The following ANO3 variants were observed in gnomAD, a reference collection of about 807,000 sequenced individuals.
ANO3 encodes anoctamin-3.
A neutral mutation model predicts 144.8 loss-of-function variants in ANO3; 99 were observed. The ratio of observed to expected loss-of-function variants is 0.68; its 90% CI spans 0.58 to 0.81. ANO3 has a LOEUF of 0.81. Among genes scored for constraint, ANO3 ranks in the 30% least tolerant of loss-of-function variants. The pLI is 0.00. For missense variants in ANO3, 905 were observed against 1,202.2 expected, an observed-to-expected ratio of 0.75 and a Z score of 3.66; for synonymous variants, 414 against 392.6, an observed-to-expected ratio of 1.05 and a Z score of -0.64.
At chr11:26,346,334 A>G (rs530630193) in intron 1 of ANO3, among the ~76,000 whole-genome samples, 2 of 152,230 alleles carry the variant, frequency 1.3e-5, no homozygotes, top group Non-Finnish European at 2.9e-5. Flanking sequence ...ATAGGGCCTT[A>G]TGAAATTTAG....
Position 26,639,158 on chromosome 11 carries a change from C to A in ANO3, c.2058C>A (p.Gly686=). Residue 686 remains glycine, a synonymous_variant, in exon 21 of 27, where the codon GGC becomes GGA. Coordinates refer to ENST00000256737, the MANE Select transcript of ANO3 (RefSeq NM_031418.4). ...TTCTATTTCAGTGTCATCCTAGTGG[C>A]TGTTTGATAGACCTCTGCCTCCAGA... The part of the protein sequence containing the change: ...RWRLEECHPS[G]CLIDLCLQMG... The A allele has an allele frequency of 6.2e-7, 1 of 1,611,666 alleles. No individual in the cohort carries two copies. Among genetic ancestry groups the A allele is most frequent in the South Asian group, 1.1e-5 (1 of 91,024 alleles).
intron 24 of ANO3, among the ~76,000 whole-genome samples, chr11:26,652,488 GA>G (rs1484190825): frequency 1.3e-5 from 2 of 151,954 alleles, no homozygotes; most frequent in Non-Finnish European, 2.9e-5. Flanking sequence ...CTCCCATACT[GA>G]AGGCAAAATT....
intron 1 of ANO3, among the ~76,000 whole-genome samples, chr11:26,438,914 C>T (rs1006558034): frequency 3.3e-5 from 5 of 152,036 alleles, no homozygotes; most frequent in African/African-American, 7.2e-5. Context: ...GTAAAGAACT[C>T]AGATTTTCTG....
At chr11:26,571,752 G>GT (rs1392921991) in intron 14 of ANO3, among the ~76,000 whole-genome samples, 2 of 152,040 alleles carry the variant, frequency 1.3e-5, no homozygotes, top group African/African-American at 4.8e-5. Flanking sequence ...TCATAGTCAC[G>GT]TATGTTTTAA....
At chr11:26,623,017 A>G (rs1389553067) in intron 17 of ANO3, among the ~76,000 whole-genome samples, 3 of 152,222 alleles carry the variant, frequency 2.0e-5, no homozygotes, top group Non-Finnish European at 4.4e-5. Flanking sequence ...ATAAGACATG[A>G]AAAAGAACCT....
chr11:26,426,518 C>T (rs1012998307), intron 1 of ANO3, among the ~76,000 whole-genome samples: 2 of 152,096 alleles, frequency 1.3e-5, no homozygotes, highest in African/African-American at 2.4e-5. Context: ...TATGAATGCT[C>T]ATAAGCAGTA....
At chr11:26,460,265 T>A (rs1348125595) in intron 3 of ANO3, 1 of 295,744 alleles carries the variant, frequency 3.4e-6, no homozygotes, top group African/African-American at 2.3e-5. Context: ...TTGAAAAATT[T>A]TCTTTGCTTT....
At chr11:26,212,064 G>T (rs568879080) in intron 1 of ANO3, among the ~76,000 whole-genome samples, 1 of 152,144 alleles carries the variant, frequency 6.6e-6, no homozygotes, top group East Asian at 1.9e-4. Flanking sequence ...GTCAGGTGGT[G>T]GGGGGATAGG....
At chr11:26,571,055 C>T (rs1850804603) in intron 14 of ANO3, among the ~76,000 whole-genome samples, 1 of 152,004 alleles carries the variant, frequency 6.6e-6, no homozygotes, top group African/African-American at 2.4e-5. Flanking sequence ...ATTATTCTGG[C>T]TAAAAGACTT....
intron 1 of ANO3, among the ~76,000 whole-genome samples, chr11:26,345,122 T>C (rs545222830): frequency 2.4e-4 from 36 of 152,144 alleles, no homozygotes; most frequent in Non-Finnish European, 4.1e-4. Flanking sequence ...AATGATGTTA[T>C]GTAAAAAAGT....
At chr11:26,300,855 C>CTTTTTTTTTTTTTTTTTTTTTTTTTTTT (rs376885670) in intron 1 of ANO3, among the ~76,000 whole-genome samples, 1 of 129,074 alleles carries the variant, frequency 7.7e-6, no homozygotes, top group African/African-American at 3.1e-5. Flanking sequence ...TCTTTTTTTT[C>CTTTTTTTTTTTTTTTTTTTTTTTTTTTT]TTTTTTTTTT....
At chr11:26,355,015 T>TTC (rs1855742732) in intron 1 of ANO3, among the ~76,000 whole-genome samples, 1 of 151,720 alleles carries the variant, frequency 6.6e-6, no homozygotes, top group Middle Eastern at 3.4e-3. Flanking sequence ...GTAACTCTTT[T>TTC]TTTTTTTCTC....
chr11:26,552,418 C>A (rs1849957553), intron 12 of ANO3, among the ~76,000 whole-genome samples: 1 of 151,966 alleles, frequency 6.6e-6, no homozygotes, highest in African/African-American at 2.4e-5. Context: ...TTTTCTAAAG[C>A]CTTTAAATTC....
At position 26,531,354 on chromosome 11, in the gene ANO3, T is replaced by G. The variant is rs768329924; in HGVS notation, c.869+18T>G. 9.4e-6 allele frequency: 15 copies of G among 1,598,726 alleles called. No individual in the cohort carries two copies. Among genetic ancestry groups the G allele is most frequent in the Non-Finnish European group, 6.8e-6 (8 of 1,174,470 alleles). On this transcript the variant is annotated intron_variant, in intron 8 of 26. Coordinates refer to ENST00000256737, the MANE Select transcript of ANO3 (RefSeq NM_031418.4). ...ATTCACCAGTGAGTTCCCCTCTTTT[T>G]TCATACTGCCTACCTTTATATCTTG... is the stretch of plus-strand genomic sequence containing the variant.
At chr11:26,285,464 C>A (rs907205312) in intron 1 of ANO3, among the ~76,000 whole-genome samples, 33 of 152,218 alleles carry the variant, frequency 2.2e-4, no homozygotes, top group African/African-American at 7.7e-4. Flanking sequence ...TATTTAAGAA[C>A]AATTAAAGAT....
At chr11:26,234,934 G>A (rs12161776) in intron 1 of ANO3, among the ~76,000 whole-genome samples, 48,397 of 151,160 alleles carry the variant, frequency 0.32, 8,459 homozygotes, top group Non-Finnish European at 0.38. Context: ...TTAAGTACCA[G>A]TGCAAGGACA....
chr11:26,240,996 C>T (rs575719608), intron 1 of ANO3, among the ~76,000 whole-genome samples: 3 of 152,266 alleles, frequency 2.0e-5, no homozygotes, highest in East Asian at 1.9e-4. Context: ...ACAGTTCCCA[C>T]GTGTCAGGGG....
At chr11:26,486,729 T>C (rs1158205205) in intron 4 of ANO3, among the ~76,000 whole-genome samples, 1 of 152,092 alleles carries the variant, frequency 6.6e-6, no homozygotes, top group East Asian at 1.9e-4. Context: ...GAAAAAGCCA[T>C]CTTAAAGGAA....
chr11:26,602,565 A>T (rs1261852143), intron 17 of ANO3, among the ~76,000 whole-genome samples: 1 of 147,716 alleles, frequency 6.8e-6, no homozygotes, highest in African/African-American at 2.5e-5. Context: ...CATTGCTACA[A>T]AAGTTTTTTT....
Sources: gnomAD v4.1 joint callset for allele counts (sites outside exome capture counted in the v4.1 genomes callset) on GRCh38, gnomAD v4.1.1 for gene constraint, MANE v1.5 for transcripts, NCBI Gene and HGNC (gene_info 2026-07-23, HGNC 2026-07-21) for gene names.